NAALAD2: variants seen among roughly 807,000 people sequenced by gnomAD.
The protein encoded by NAALAD2 is N-acetylated alpha-linked acidic dipeptidase 2.
In NAALAD2, 89 loss-of-function variants were observed where a neutral mutation model predicts 95.6. The ratio of observed to expected loss-of-function variants is 0.93; its 90% confidence interval spans 0.78 to 1.11. The LOEUF (loss-of-function observed/expected upper bound fraction) is 1.11. Ranked by LOEUF, NAALAD2 falls within the 50% of genes least tolerant of loss-of-function variation. NAALAD2 has a pLI of 0.00. For synonymous variants in NAALAD2, 264 were observed against 294.4 expected, an observed-to-expected ratio of 0.90 and a Z score of 1.06; for missense variants, 894 against 872.4, an observed-to-expected ratio of 1.02 and a Z score of -0.31.
intron 10 of NAALAD2, 40 bp downstream of exon 10, chr11:90,163,469 C>T (rs1952353574): frequency 1.2e-6 from 2 of 1,613,146 alleles, no homozygotes; most frequent in South Asian, 2.2e-5. Context: ...CAAAAAGTGA[C>T]TTACTGAATT....
chr11:90,170,837 G>A (rs1219886633), intron 13 of NAALAD2, among the ~76,000 whole-genome samples: 3 of 152,136 alleles, frequency 2.0e-5, no homozygotes, highest in Admixed American at 6.5e-5. Flanking sequence ...TTAAAAGAAC[G>A]TATTTCCTGA....
chr11:90,159,300 A>C lies in NAALAD2; in HGVS notation c.952A>C (p.Ser318Arg). The C allele has an allele frequency of 1.9e-6, 3 of 1,613,864 alleles. No homozygotes were observed. In the South Asian group the frequency reaches 3.3e-5, roughly 18 times the overall value. ...SWKGALNVSY[S>R]IGPGFTGSDS... ...GAAGGGAGCCCTTAATGTGAGTTATAGTATCGGACCTGGCTTTACAGGGAG... is the reference window on the plus strand; with the variant it reads ...GAAGGGAGCCCTTAATGTGAGTTATCGTATCGGACCTGGCTTTACAGGGAG... Residue 318 changes from serine (S) to arginine (R), a missense_variant, in exon 8 of 19, where the codon AGT becomes CGT. Transcript: ENST00000534061.
chr11:90,163,164 G>A (rs1952343357), intron 9 of NAALAD2, 130 bp downstream of exon 9: 1 of 1,224,342 alleles, frequency 8.2e-7, no homozygotes, highest in Admixed American at 2.5e-5. Context: ...GAGGAAAACT[G>A]TACAAATCTA....
intron 18 of NAALAD2, among the ~76,000 whole-genome samples, chr11:90,189,642 A>G (rs1403982691): frequency 6.6e-6 from 1 of 151,820 alleles, no homozygotes; most frequent in East Asian, 1.9e-4. Flanking sequence ...GGTGGTAGGC[A>G]CCTGTAATTC....
At position 90,159,305 on chromosome 11, in the gene NAALAD2, C is replaced by T. The variant is rs760251601; in HGVS notation, c.957C>T (p.Ile319=). 16 of 1,613,678 alleles carry T rather than the reference C, an allele frequency of 9.9e-6. No individual in the cohort carries two copies. In the East Asian group the frequency reaches 2.2e-4, roughly 23 times the overall value. Residue 319 remains isoleucine (I), a synonymous_variant, in exon 8 of 19, where the codon ATC becomes ATT. Coordinates refer to ENST00000534061, the MANE Select transcript of NAALAD2 (RefSeq NM_005467.4). ...WKGALNVSYS[I]GPGFTGSDSF... ...GAGCCCTTAATGTGAGTTATAGTAT[C>T]GGACCTGGCTTTACAGGGAGTGATT...
At chr11:90,177,312 C>A (rs1470969041) in intron 15 of NAALAD2, among the ~76,000 whole-genome samples, 1 of 148,572 alleles carries the variant, frequency 6.7e-6, no homozygotes, top group African/African-American at 2.5e-5. Context: ...CTGCCCAGAA[C>A]CTTTTTTTTT....
intron 8 of NAALAD2, 50 bp from the exon 9 acceptor site, chr11:90,162,899 A>T: frequency 1.6e-4 from 175 of 1,063,100 alleles, no homozygotes; most frequent in Non-Finnish European, 2.3e-4. Context: ...AAAACACTGT[A>T]AAAAACATAA....
chr11:90,174,359 A>ATCCAGTTT (rs1952727269), intron 14 of NAALAD2, among the ~76,000 whole-genome samples: 2 of 152,032 alleles, frequency 1.3e-5, no homozygotes, highest in African/African-American at 4.8e-5. Flanking sequence ...GAATTCTTCT[A>ATCCAGTTT]TCCAGTTTTG....
At position 90,181,739 on chromosome 11, in the gene NAALAD2, AAAAG is replaced by A. The variant is rs774456313; in HGVS notation, c.1940+39_1940+42del. 8.0e-5 allele frequency: 103 copies of A among 1,281,354 alleles called. No homozygotes were observed. In the South Asian group the frequency reaches 1.2e-3, roughly 15 times the overall value. 79.4% of individuals were successfully genotyped at this position (1,281,354 alleles called of 1,614,324 possible). A position where few individuals can be genotyped will look rare whatever the true frequency, so the allele number is the denominator to read the frequency against. ...TCCCTTTTTTTTTAAAAAAAAAAAA[AAAAG>A]CAATCTGGTTACTAGAATGAACTGT... On this transcript the variant is annotated intron_variant, in intron 17 of 18. Transcript: ENST00000534061.
At chr11:90,137,980 A>C (rs1951495098) in intron 2 of NAALAD2, among the ~76,000 whole-genome samples, 1 of 151,710 alleles carries the variant, frequency 6.6e-6, no homozygotes, top group South Asian at 2.1e-4. Flanking sequence ...TATAGAGTTG[A>C]CTCTTGAGTA....
At chr11:90,168,076 C>T (rs1011055096) in intron 11 of NAALAD2, among the ~76,000 whole-genome samples, 1 of 152,170 alleles carries the variant, frequency 6.6e-6, no homozygotes, top group African/African-American at 2.4e-5. Flanking sequence ...TAACACTCAC[C>T]TTGAAGGTCT....
At chr11:90,179,018 T>G (rs534970423) in intron 16 of NAALAD2, among the ~76,000 whole-genome samples, 3 of 152,202 alleles carry the variant, frequency 2.0e-5, no homozygotes, top group Non-Finnish European at 2.9e-5. Flanking sequence ...TTCTTCGTTA[T>G]GTGACCTTGG....
chr11:90,146,220 G>A (rs1951745951), intron 2 of NAALAD2, among the ~76,000 whole-genome samples: 1 of 149,284 alleles, frequency 6.7e-6, no homozygotes, highest in East Asian at 2.0e-4. Flanking sequence ...CATACAACAG[G>A]TTTTCAATAC....
intron 12 of NAALAD2, chr11:90,169,808 G>A (rs911403728): frequency 7.8e-6 from 3 of 384,488 alleles, no homozygotes; most frequent in Admixed American, 4.3e-5. Context: ...TTGCTGCCAT[G>A]AGAATGACCC....
chr11:90,181,236 ATT>A (rs543107972), intron 16 of NAALAD2, among the ~76,000 whole-genome samples: 1 of 150,960 alleles, frequency 6.6e-6, no homozygotes, highest in African/African-American at 2.4e-5. Context: ...AAGAATTGGT[ATT>A]TTTTTTTGCC....
upstream of NAALAD2, chr11:90,134,450 T>C (rs920619136): frequency 1.9e-4 from 66 of 356,132 alleles, no homozygotes; most frequent in Middle Eastern, 2.6e-3. Flanking sequence ...AGTAGAGTTC[T>C]TTAGGAAAAA....
rs200506248 is a variant in NAALAD2, at chr11:90,170,092, T to C, written c.1366T>C (p.Cys456Arg). The change falls in exon 13 of 19, where the codon TGT (cysteine) becomes CGT (arginine). Residue 456 changes from cysteine to arginine, a missense_variant. Cys to Arg is a radical substitution (Grantham distance 180, BLOSUM62 -3). Coordinates refer to ENST00000534061, the MANE Select transcript of NAALAD2 (RefSeq NM_005467.4). ...IEGNYTLRVD[C>R]TPLLYQLVYK... ...AGGCAATTATACTCTCAGAGTTGAC[T>C]GTACTCCCCTTCTTTACCAATTAGT... 2.5e-6 allele frequency: 4 copies of C among 1,590,546 alleles called. No homozygotes were observed. The African/African-American group carries it at 5.4e-5, about 21-fold the overall frequency.
chr11:90,171,937 A>G (rs72956855), intron 13 of NAALAD2, among the ~76,000 whole-genome samples: 6,622 of 152,254 alleles, frequency 0.043, 181 homozygotes, highest in Middle Eastern at 0.11. Flanking sequence ...CAGCTGAGGC[A>G]GTAGGATCAC....
chr11:90,155,349 A>C (rs1292632901), intron 6 of NAALAD2, among the ~76,000 whole-genome samples: 1 of 115,814 alleles, frequency 8.6e-6, no homozygotes. Context: ...TATATATTAT[A>C]TATTACATGT....
Sources: allele counts gnomAD v4.1 joint callset (sites outside exome capture counted in the v4.1 genomes callset), GRCh38; gene constraint gnomAD v4.1.1; transcripts MANE v1.5; gene names NCBI Gene and HGNC (gene_info 2026-07-23, HGNC 2026-07-21).